The following MSN variants were observed in gnomAD, a reference collection of about 807,000 sequenced individuals.
MSN encodes epididymis luminal protein 70.
MSN carries 2 observed loss-of-function variants against 48.0 expected under a neutral mutation model. The observed-to-expected ratio is 0.04, with a 90% CI of 0.02 to 0.13. MSN has a LOEUF of 0.13. MSN is among the 10% of genes least tolerant of loss of function. MSN has a pLI of 1.00. For missense variants in MSN, 267 were observed against 470.1 expected, an observed-to-expected ratio of 0.57 and a Z score of 3.99; for synonymous variants, 146 against 166.9, an observed-to-expected ratio of 0.87 and a Z score of 0.97.
intron 1 of MSN, among the ~76,000 whole-genome samples, chrX:65,615,977 G>A (rs1466334330): frequency 9.0e-6 from 1 of 111,194 alleles, no homozygotes; most frequent in Non-Finnish European, 1.9e-5. Context: ...TTTCCCCATT[G>A]CTTGTTTTTG....
chrX:65,608,166 T>A (rs1172678578), intron 1 of MSN, among the ~76,000 whole-genome samples: 1 of 110,972 alleles, frequency 9.0e-6, no homozygotes, highest in Non-Finnish European at 1.9e-5. Flanking sequence ...GGATTTACAA[T>A]CTTTGGATAT....
At chrX:65,724,484 G>A (rs1371033332) in intron 2 of MSN, among the ~76,000 whole-genome samples, 1 of 110,622 alleles carries the variant, frequency 9.0e-6, no homozygotes, top group Non-Finnish European at 1.9e-5. Flanking sequence ...CCACCCAATA[G>A]TGAAACAGAC....
chrX:65,614,322 T>A (rs2070347250), intron 1 of MSN, among the ~76,000 whole-genome samples: 1 of 112,130 alleles, frequency 8.9e-6, no homozygotes, highest in East Asian at 2.8e-4. Context: ...CCAGCTTTGT[T>A]CTTTTTGCTT....
Position 65,685,174 on chromosome X carries a change from C to T in MSN, c.12+17321C>T, listed in dbSNP as rs947426754. Among the ~76,000 whole-genome samples the T allele has an allele frequency of 6.2e-5, 7 of 112,657 alleles. No homozygotes were observed. The East Asian group carries it at 1.9e-3, about 31-fold the overall frequency. On this transcript the variant is annotated intron_variant, in intron 1 of 12. Transcript: ENST00000360270. ...CTGAAGATGTGATATGTGAACCCTTCTGTTGCGATGAAAGATGATGGTAGC... is the reference window on the plus strand; with the variant it reads ...CTGAAGATGTGATATGTGAACCCTTTTGTTGCGATGAAAGATGATGGTAGC...
At chrX:65,718,245 TCTCTGG>T in intron 2 of MSN, among the ~76,000 whole-genome samples, 1 of 110,198 alleles carries the variant, frequency 9.1e-6, no homozygotes, top group South Asian at 4.1e-4. Flanking sequence ...ATTATTGAAC[TCTCTGG>T]GTTGGTATCT....
intron 1 of MSN, among the ~76,000 whole-genome samples, chrX:65,699,499 C>T (rs1230032020): frequency 9.0e-6 from 1 of 111,708 alleles, no homozygotes; most frequent in Non-Finnish European, 1.9e-5. Flanking sequence ...CCTGTAATCC[C>T]AGCACTTTGG....
intron 1 of MSN, among the ~76,000 whole-genome samples, chrX:65,709,474 G>C (rs1213456206): frequency 8.9e-6 from 1 of 112,321 alleles, no homozygotes; most frequent in South Asian, 3.7e-4. Context: ...AGAAAAAACA[G>C]GTTCTGGTTG....
rs760716838 is a variant in MSN, at chrX:65,620,096, C to G, written c.-22+31484C>G. On this transcript the variant is annotated intron_variant, in intron 1 of 3. Transcript: ENST00000609672. ...ATCTCCAGCTGCGTGCTGGGAGAAC[C>G]ACTGCTCTCTTCAAAGCTGTCAGAC... Among the ~76,000 whole-genome samples the G allele has an allele frequency of 2.7e-5, 3 of 112,220 alleles. No individual in the cohort carries two copies. In the East Asian group the frequency reaches 8.4e-4, roughly 32 times the overall value.
intron 12 of MSN, 120 bp downstream of exon 12, chrX:65,739,314 C>A: frequency 1.4e-6 from 1 of 701,782 alleles, no homozygotes; most frequent in Non-Finnish European, 2.1e-6. Context: ...TATGGGAGCC[C>A]AAGCCGTTCT....
chrX:65,714,279 C>T (rs182962173), intron 1 of MSN, among the ~76,000 whole-genome samples: 7 of 111,595 alleles, frequency 6.3e-5, no homozygotes, highest in East Asian at 5.6e-4. Context: ...AATGCACATG[C>T]GCGTTTATGT....
chrX:65,686,269 A>T (rs1241186142), intron 1 of MSN, among the ~76,000 whole-genome samples: 1 of 112,952 alleles, frequency 8.9e-6, no homozygotes, highest in African/African-American at 3.2e-5. Flanking sequence ...TGCTGGCTCT[A>T]TTCTGCCCAC....
intron 1 of MSN, among the ~76,000 whole-genome samples, chrX:65,628,468 G>C (rs898597873): frequency 1.8e-5 from 2 of 111,906 alleles, no homozygotes; most frequent in Non-Finnish European, 3.8e-5. Context: ...TGGCTGGAGT[G>C]GCTGGGACAC....
Position 65,667,745 on chromosome X carries a change from C to T in MSN, c.-97C>T. The T allele has an allele frequency of 8.5e-7, 1 of 1,173,680 alleles. No homozygotes were observed. The highest frequency in any genetic ancestry group is 1.1e-6 in the Non-Finnish European group (1 of 873,391). ...CGCTAGTGAGGGACCCAATCTGAGT[C>T]CCCGGCCAGCCGAATCCAAGCCGTG... On this transcript the variant is annotated 5_prime_UTR_variant, in exon 1 of 13. Coordinates refer to ENST00000360270, the MANE Select transcript of MSN (RefSeq NM_002444.3).
At chrX:65,707,995 A>C (rs2071378350) in intron 1 of MSN, among the ~76,000 whole-genome samples, 1 of 111,269 alleles carries the variant, frequency 9.0e-6, no homozygotes, top group Non-Finnish European at 1.9e-5. Flanking sequence ...TTTAATTTTA[A>C]AATTTTTATT....
chrX:65,624,835 A>G (rs926208565), intron 1 of MSN: 1 of 109,664 alleles, frequency 9.1e-6, no homozygotes, highest in Non-Finnish European at 1.9e-5. Flanking sequence ...AAGAAAAAAG[A>G]AAGAAAGAAA....
intron 1 of MSN, among the ~76,000 whole-genome samples, chrX:65,611,861 T>G (rs1285253252): frequency 1.8e-5 from 2 of 111,877 alleles, no homozygotes; most frequent in East Asian, 5.6e-4. Flanking sequence ...TTTCTCTATA[T>G]CCTCACCAAT....
At chrX:65,628,504 G>A (rs1022970707) in intron 1 of MSN, among the ~76,000 whole-genome samples, 2 of 111,359 alleles carry the variant, frequency 1.8e-5, no homozygotes, top group African/African-American at 3.3e-5. Flanking sequence ...TAGGCTGCAC[G>A]CAGCTCAGGG....
intron 1 of MSN, among the ~76,000 whole-genome samples, chrX:65,618,762 G>C (rs1602723899): frequency 2.7e-5 from 3 of 110,406 alleles, no homozygotes; most frequent in East Asian, 5.7e-4. Flanking sequence ...GATGTTAGCT[G>C]GTGATTTTGC....
At chrX:65,677,776 A>T (rs2071015462) in intron 1 of MSN, among the ~76,000 whole-genome samples, 1 of 110,987 alleles carries the variant, frequency 9.0e-6, no homozygotes, top group African/African-American at 3.3e-5. Flanking sequence ...GAAAAAAAAA[A>T]AGAAATATGT....
Sources: allele counts gnomAD v4.1 joint callset (sites outside exome capture counted in the v4.1 genomes callset), GRCh38; gene constraint gnomAD v4.1.1; transcripts MANE v1.5; gene names NCBI Gene and HGNC (gene_info 2026-07-23, HGNC 2026-07-21).